NFATC3: variants seen among roughly 807,000 people sequenced by gnomAD.
NFATC3 encodes the protein nuclear factor of activated T-cells, cytoplasmic 3.
NFATC3 carries 46 observed loss-of-function variants against 98.6 expected under a neutral mutation model. That is an observed-to-expected ratio of 0.47 (90% confidence interval 0.37 to 0.60). NFATC3 has a LOEUF of 0.60. Ranked by LOEUF, NFATC3 falls within the 20% of genes least tolerant of loss-of-function variation. NFATC3 has a pLI of 0.00. For synonymous variants in NFATC3, 512 were observed against 472.2 expected (o/e 1.08, Z -1.09); for missense variants, 1,256 against 1,295.5 (o/e 0.97, Z 0.47).
chr16:68,172,953 T>TA (rs1453259194), intron 5 of NFATC3, among the ~76,000 whole-genome samples: 1 of 152,078 alleles, frequency 6.6e-6, no homozygotes, highest in Non-Finnish European at 1.5e-5. Context: ...AAGCACTGTT[T>TA]ATAGAAGTTG....
At chr16:68,105,222 G>A (rs929490230) in intron 1 of NFATC3, among the ~76,000 whole-genome samples, 4 of 150,548 alleles carry the variant, frequency 2.7e-5, no homozygotes, top group African/African-American at 7.3e-5. Flanking sequence ...TCCCAAGTAG[G>A]TGGGATTACA....
At chr16:68,200,390 C>T (rs982249005) in intron 9 of NFATC3, 1 of 151,804 alleles carries the variant, frequency 6.6e-6, no homozygotes, top group African/African-American at 2.4e-5. Context: ...TGTGTCCTTT[C>T]CCTACATAGG....
intron 2 of NFATC3, among the ~76,000 whole-genome samples, chr16:68,125,635 G>T (rs2151508678): frequency 6.6e-6 from 1 of 152,246 alleles, no homozygotes; most frequent in African/African-American, 2.4e-5. Flanking sequence ...CCAGAGATAT[G>T]TACCAGGGAG....
chr16:68,157,141 CA>C (rs1168724560), intron 3 of NFATC3, among the ~76,000 whole-genome samples: 3 of 150,030 alleles, frequency 2.0e-5, no homozygotes, highest in Non-Finnish European at 3.0e-5. Flanking sequence ...AGCAATTAGG[CA>C]ATATAAAAGA....
chr16:68,223,887 T>TC (rs937729870), intron 9 of NFATC3, among the ~76,000 whole-genome samples: 1 of 119,378 alleles, frequency 8.4e-6, no homozygotes, highest in Admixed American at 9.9e-5. Flanking sequence ...AGAGCAAGAC[T>TC]CCATCTCAAA....
chr16:68,153,218 C>T (rs2038431212), intron 3 of NFATC3, among the ~76,000 whole-genome samples: 1 of 152,122 alleles, frequency 6.6e-6, no homozygotes. Flanking sequence ...GCCAGAAGTT[C>T]AAGACCAGCA....
At chr16:68,144,661 AT>A (rs1206200827) in intron 3 of NFATC3, among the ~76,000 whole-genome samples, 1 of 151,038 alleles carries the variant, frequency 6.6e-6, no homozygotes, top group Non-Finnish European at 1.5e-5. Flanking sequence ...TCATTTTTTT[AT>A]TTTTTTTATT....
intron 3 of NFATC3, among the ~76,000 whole-genome samples, chr16:68,144,917 C>T (rs570083627): frequency 8.5e-5 from 13 of 152,192 alleles, no homozygotes; most frequent in African/African-American, 2.4e-4. Context: ...CTCAGCCTCC[C>T]AAAGTGCTGG....
chr16:68,104,441 T>C (rs546654821), intron 1 of NFATC3, among the ~76,000 whole-genome samples: 14 of 152,322 alleles, frequency 9.2e-5, no homozygotes, highest in Admixed American at 6.5e-4. Flanking sequence ...GGTTTTACTT[T>C]ATATAGAATC....
chr16:68,112,658 T>C (rs2036033291), intron 1 of NFATC3, among the ~76,000 whole-genome samples: 2 of 136,640 alleles, frequency 1.5e-5, no homozygotes. Flanking sequence ...TTTTTTTTTT[T>C]TTTTTTTTTT....
chr16:68,161,838 A>G (rs1387250846), intron 4 of NFATC3, among the ~76,000 whole-genome samples: 1 of 152,210 alleles, frequency 6.6e-6, no homozygotes, highest in Non-Finnish European at 1.5e-5. Flanking sequence ...AGAGTATATT[A>G]ATTTCTATGA....
In NFATC3 at chr16:68,122,579, A is replaced by T. The variant is rs765475254; in HGVS notation, c.696A>T (p.Gly232=). ...CTTGGCATCAACAGTATGGACTTGG[A>T]CACTCATTATCACCCAGGCAATCTC... The part of the protein sequence containing the change: ...EETWHQQYGL[G]HSLSPRQSPC... The change falls in exon 2 of 10, where the codon GGA becomes GGT. Residue 232 remains glycine, a synonymous_variant. Coordinates refer to ENST00000346183, the MANE Select transcript of NFATC3 (RefSeq NM_173165.3). 2 of 1,613,998 alleles carry T rather than the reference A, an allele frequency of 1.2e-6. No individual in the cohort carries two copies. Among genetic ancestry groups the T allele is most frequent in the South Asian group, 2.2e-5 (2 of 91,068 alleles).
At position 68,191,165 on chromosome 16, in the gene NFATC3, T is replaced by G. The variant is rs1404483321; in HGVS notation, c.2496T>G (p.Phe832Leu). Residue 832 changes from phenylalanine (F) to leucine (L), a missense_variant, in exon 9 of 10, where the codon TTT becomes TTG. Phe to Leu is a conservative substitution (Grantham distance 22, BLOSUM62 0). Transcript: ENST00000346183. Reference protein sequence around the residue: ...ASSQEFDSVLFQQDATLSGLV... With the variant: ...ASSQEFDSVLLQQDATLSGLV... ...GTCAAGAATTTGATTCAGTTTTGTT[T>G]CAGCAGGATGCAACTCTTTCTGGTT... 1.9e-6 allele frequency: 3 copies of G among 1,614,104 alleles called. No individual in the cohort carries two copies. Among genetic ancestry groups the G allele is most frequent in the Non-Finnish European group, 2.5e-6 (3 of 1,180,058 alleles).
At position 68,122,197 on chromosome 16, in the gene NFATC3, C is replaced by G. The variant is rs749389246; in HGVS notation, c.314C>G (p.Pro105Arg). Residue 105 changes from proline to arginine, a missense_variant, in exon 2 of 10, where the codon CCC (proline) becomes CGC (arginine). Coordinates refer to ENST00000346183, the MANE Select transcript of NFATC3 (RefSeq NM_173165.3). ...SKYSPLGGPK[P>R]FECPSIQITS... Reference sequence around the variant, plus strand: ...TATAGCCCATTAGGTGGTCCCAAACCCTTTGAGTGCCCAAGTATTCAAATT... The same window carrying G: ...TATAGCCCATTAGGTGGTCCCAAACGCTTTGAGTGCCCAAGTATTCAAATT... The G allele has an allele frequency of 6.2e-7, 1 of 1,614,098 alleles. No individual in the cohort carries two copies. The highest frequency in any genetic ancestry group is 8.5e-7 in the Non-Finnish European group (1 of 1,180,010).
intron 5 of NFATC3, among the ~76,000 whole-genome samples, chr16:68,167,915 C>G (rs777060500): frequency 1.5e-5 from 2 of 137,604 alleles, no homozygotes; most frequent in East Asian, 2.4e-4. Flanking sequence ...TCACTGCAAC[C>G]TCCACCTCCT....
At chr16:68,092,940 C>T (rs2034808662) in intron 1 of NFATC3, among the ~76,000 whole-genome samples, 1 of 152,182 alleles carries the variant, frequency 6.6e-6, no homozygotes, top group African/African-American at 2.4e-5. Flanking sequence ...GTCTTGGTCT[C>T]CTTCCATTTG....
chr16:68,126,869 GACAA>G (rs1384179415), intron 3 of NFATC3, among the ~76,000 whole-genome samples: 9 of 152,096 alleles, frequency 5.9e-5, no homozygotes. Context: ...CCGTTTTTCT[GACAA>G]ACAAATATGG....
At chr16:68,088,088 A>T (rs2034487618) in intron 1 of NFATC3, among the ~76,000 whole-genome samples, 1 of 152,088 alleles carries the variant, frequency 6.6e-6, no homozygotes, top group Non-Finnish European at 1.5e-5. Flanking sequence ...TGAAGGAACA[A>T]AGTGGATTCA....
In NFATC3 at chr16:68,157,882, A is replaced by G; in HGVS notation, c.1415A>G (p.Asn472Ser). The change falls in exon 4 of 10, where the codon AAC becomes AGC. Residue 472 changes from asparagine to serine, a missense_variant. Asn to Ser is a conservative substitution (Grantham distance 46). This residue lies in a region of NFATC3 where 156 missense variants were observed against 212.4 expected (regional missense o/e 0.73). Coordinates refer to ENST00000346183, the MANE Select transcript of NFATC3 (RefSeq NM_173165.3). ...TTTCCTGATTAGCTCCTGGGCTATA[A>G]CGAAAAGCCAATAAATCTACAAATG... is the stretch of plus-strand genomic sequence containing the variant. ...GHPVVKLLGYNEKPINLQMFI... is the reference protein window; with the variant it reads ...GHPVVKLLGYSEKPINLQMFI... 1 of 1,613,210 alleles carries G rather than the reference A, an allele frequency of 6.2e-7. No homozygotes were observed. Among genetic ancestry groups the G allele is most frequent in the Non-Finnish European group, 8.5e-7 (1 of 1,179,558 alleles).
Sources: allele counts gnomAD v4.1 joint callset (sites outside exome capture counted in the v4.1 genomes callset), GRCh38; gene constraint gnomAD v4.1.1; regional missense constraint gnomAD v4.1.1; transcripts MANE v1.5; gene names NCBI Gene and HGNC (gene_info 2026-07-23, HGNC 2026-07-21).